BBS9: variants seen among roughly 807,000 people sequenced by gnomAD.
The protein encoded by BBS9 is protein PTHB1.
BBS9 carries 89 observed loss-of-function variants against 117.7 expected under a neutral mutation model. That is an observed-to-expected ratio of 0.76 (90% CI 0.64 to 0.90). BBS9 has a LOEUF of 0.90. Ranked by LOEUF, BBS9 falls within the 40% of genes least tolerant of loss-of-function variation. BBS9 has a pLI of 0.00. For synonymous variants in BBS9, 379 were observed against 370.9 expected (o/e 1.02, Z -0.25); for missense variants, 982 against 1,042.2 (o/e 0.94, Z 0.80).
At chr7:33,269,686 A>G (rs544480135) in intron 7 of BBS9, among the ~76,000 whole-genome samples, 1 of 150,000 alleles carries the variant, frequency 6.7e-6, no homozygotes, top group African/African-American at 2.5e-5. Flanking sequence ...AGATTGCACC[A>G]CCACATTGCA....
intron 19 of BBS9, among the ~76,000 whole-genome samples, chr7:33,403,769 T>C (rs1022955879): frequency 6.6e-6 from 1 of 152,154 alleles, no homozygotes; most frequent in African/African-American, 2.4e-5. Flanking sequence ...AGTGCCGCAA[T>C]AGACATACGT....
At chr7:33,411,740 A>G (rs1216489570) in intron 19 of BBS9, among the ~76,000 whole-genome samples, 2 of 152,172 alleles carry the variant, frequency 1.3e-5, no homozygotes, top group Admixed American at 1.3e-4. Context: ...TAGAATGAAT[A>G]TTATTTGATC....
At chr7:33,520,864 C>G (rs1585105376) in intron 20 of BBS9, among the ~76,000 whole-genome samples, 1 of 152,160 alleles carries the variant, frequency 6.6e-6, no homozygotes, top group East Asian at 1.9e-4. Context: ...CCTGTGCCTT[C>G]AAAGGAATGA....
intron 4 of BBS9, 106 bp from the exon 5 acceptor site, chr7:33,177,372 A>G: frequency 2.6e-6 from 2 of 777,430 alleles, no homozygotes; most frequent in Non-Finnish European, 4.4e-6. Flanking sequence ...GTGCTTTGCC[A>G]TTATAATTTC....
At chr7:33,172,156 C>T (rs1464171872) in intron 4 of BBS9, among the ~76,000 whole-genome samples, 1 of 151,808 alleles carries the variant, frequency 6.6e-6, no homozygotes, top group East Asian at 1.9e-4. Flanking sequence ...CGAGGTGGGC[C>T]GATCATGAAG....
chr7:33,393,191 A>G (rs1445038043), intron 19 of BBS9, among the ~76,000 whole-genome samples: 1 of 152,170 alleles, frequency 6.6e-6, no homozygotes, highest in East Asian at 1.9e-4. Flanking sequence ...ACAAACAAAC[A>G]AAAAATAAAT....
intron 19 of BBS9, among the ~76,000 whole-genome samples, chr7:33,399,864 G>A (rs1828626034): frequency 6.6e-6 from 1 of 152,152 alleles, no homozygotes; most frequent in African/African-American, 2.4e-5. Flanking sequence ...ATTTAGGTAT[G>A]TAATGCTAAT....
At chr7:33,387,611 T>C (rs903829244) in intron 18 of BBS9, among the ~76,000 whole-genome samples, 1 of 152,186 alleles carries the variant, frequency 6.6e-6, no homozygotes, top group African/African-American at 2.4e-5. Flanking sequence ...TATACCAAGA[T>C]CATTTTAAAA....
intron 16 of BBS9, among the ~76,000 whole-genome samples, chr7:33,364,438 T>A (rs1821258462): frequency 1.3e-5 from 2 of 152,156 alleles, no homozygotes; most frequent in African/African-American, 4.8e-5. Context: ...TCTCTCCAGA[T>A]TTGGAAGGTT....
intron 1 of BBS9, among the ~76,000 whole-genome samples, chr7:33,139,220 C>T (rs1343643467): frequency 1.3e-5 from 2 of 150,990 alleles, no homozygotes; most frequent in Non-Finnish European, 2.9e-5. Flanking sequence ...CCATTGCACT[C>T]CAGCCTGGGC....
chr7:33,461,952 G>T, intron 19 of BBS9, among the ~76,000 whole-genome samples: 1 of 151,950 alleles, frequency 6.6e-6, no homozygotes, highest in East Asian at 1.9e-4. Context: ...CAGTCAGTTT[G>T]TATTGCTTTC....
intron 19 of BBS9, among the ~76,000 whole-genome samples, chr7:33,448,700 A>G (rs532939166): frequency 6.6e-6 from 1 of 152,384 alleles, no homozygotes; most frequent in East Asian, 1.9e-4. Flanking sequence ...AAGAATAGGA[A>G]TCTGAGACAG....
chr7:33,202,976 A>C (rs971632435), intron 5 of BBS9, among the ~76,000 whole-genome samples: 1 of 152,294 alleles, frequency 6.6e-6, no homozygotes, highest in Middle Eastern at 3.4e-3. Flanking sequence ...CCAGTGGAAA[A>C]CAAGGGGCTC....
At chr7:33,294,333 CTA>C (rs1804778284) in intron 9 of BBS9, among the ~76,000 whole-genome samples, 2 of 144,352 alleles carry the variant, frequency 1.4e-5, no homozygotes, top group African/African-American at 5.3e-5. Flanking sequence ...ATCTATCTAT[CTA>C]TCTATCTATC....
chr7:33,628,928 C>A (rs1242948129), intron 21 of BBS9, among the ~76,000 whole-genome samples: 2 of 152,166 alleles, frequency 1.3e-5, no homozygotes, highest in Non-Finnish European at 2.9e-5. Context: ...ACAGGAAAGA[C>A]ACAAACAACA....
At chr7:33,611,733 GATT>G (rs1864883597) in intron 21 of BBS9, among the ~76,000 whole-genome samples, 2 of 127,666 alleles carry the variant, frequency 1.6e-5, no homozygotes, top group Non-Finnish European at 3.2e-5. Context: ...AATATTAAAG[GATT>G]ATATTTATTC....
At chr7:33,588,178 T>C (rs1003611680) in intron 21 of BBS9, among the ~76,000 whole-genome samples, 3 of 152,138 alleles carry the variant, frequency 2.0e-5, no homozygotes, top group African/African-American at 7.2e-5. Flanking sequence ...ACCTATTCAG[T>C]CTCACAAATT....
At chr7:33,402,004 A>T (rs1828998347) in intron 19 of BBS9, among the ~76,000 whole-genome samples, 2 of 152,158 alleles carry the variant, frequency 1.3e-5, no homozygotes, top group Admixed American at 1.3e-4. Flanking sequence ...CTCTCTGATG[A>T]TACTTTATGG....
At chr7:33,389,546 G>A (rs888751029) in intron 19 of BBS9, among the ~76,000 whole-genome samples, 3 of 151,840 alleles carry the variant, frequency 2.0e-5, no homozygotes, top group Admixed American at 6.6e-5. Flanking sequence ...ACAATTAGCC[G>A]GGCATGGTGG....
Sources: allele counts gnomAD v4.1 joint callset (sites outside exome capture counted in the v4.1 genomes callset), GRCh38; gene constraint gnomAD v4.1.1; transcripts MANE v1.5; gene names NCBI Gene and HGNC (gene_info 2026-07-23, HGNC 2026-07-21).